Variants in CREB5 observed in about 807,000 individuals in gnomAD.
The protein encoded by CREB5 is cAMP responsive element binding protein 5, also known as cyclic AMP-responsive element-binding protein 5.
A neutral mutation model predicts 57.1 loss-of-function variants in CREB5; 19 were observed. The ratio of observed to expected loss-of-function variants is 0.33; its 90% CI spans 0.23 to 0.49. The LOEUF is 0.49. Ranked by LOEUF, CREB5 falls within the 20% of genes least tolerant of loss-of-function variation. The pLI is 0.99. For missense variants in CREB5, 579 were observed against 671.6 expected (o/e 0.86, Z 1.52); for synonymous variants, 238 against 238.3 (o/e 1.00, Z 0.01).
intron 5 of CREB5, among the ~76,000 whole-genome samples, chr7:28,603,985 A>T (rs1363659089): frequency 6.6e-6 from 1 of 152,152 alleles, no homozygotes; most frequent in East Asian, 1.9e-4. Context: ...ATTTAGCAGG[A>T]TGGGGTGCGT....
chr7:28,434,307 A>T (rs1788851693), intron 1 of CREB5, among the ~76,000 whole-genome samples: 1 of 152,212 alleles, frequency 6.6e-6, no homozygotes, highest in Non-Finnish European at 1.5e-5. Flanking sequence ...AAATGTAATT[A>T]CTAATTATCA....
At chr7:28,800,239 G>C (rs182198598) in intron 7 of CREB5, among the ~76,000 whole-genome samples, 7 of 152,178 alleles carry the variant, frequency 4.6e-5, no homozygotes, top group African/African-American at 1.2e-4. Flanking sequence ...TAAGGAGAAG[G>C]CTGGACTGAA....
intron 5 of CREB5, among the ~76,000 whole-genome samples, chr7:28,682,598 G>GAAAT (rs982785878): frequency 4.0e-5 from 6 of 149,408 alleles, no homozygotes; most frequent in Admixed American, 1.3e-4. Context: ...CGGGACTGTA[G>GAAAT]AAATCTTGGG....
At chr7:28,475,592 A>G (rs537689352) in intron 1 of CREB5, among the ~76,000 whole-genome samples, 63 of 152,184 alleles carry the variant, frequency 4.1e-4, no homozygotes, top group South Asian at 3.9e-3. Flanking sequence ...TAATAGTTCA[A>G]GTGGAGAGTG....
At chr7:28,672,662 T>C (rs1468875283) in intron 5 of CREB5, among the ~76,000 whole-genome samples, 2 of 152,042 alleles carry the variant, frequency 1.3e-5, no homozygotes, top group Non-Finnish European at 2.9e-5. Flanking sequence ...CAACAACGAA[T>C]TCAGGGAAAT....
intron 4 of CREB5, among the ~76,000 whole-genome samples, chr7:28,509,941 C>A (rs1030637772): frequency 6.6e-6 from 1 of 152,180 alleles, no homozygotes. Context: ...GCTTCTTCTT[C>A]CTTTGCCTCA....
intron 5 of CREB5, among the ~76,000 whole-genome samples, chr7:28,712,114 C>T (rs1315179828): frequency 6.6e-6 from 1 of 152,102 alleles, no homozygotes; most frequent in Non-Finnish European, 1.5e-5. Context: ...GTAGTCTGGC[C>T]CATGTCCTTC....
chr7:28,624,079 T>G (rs1797903430), intron 5 of CREB5, among the ~76,000 whole-genome samples: 1 of 152,176 alleles, frequency 6.6e-6, no homozygotes, highest in South Asian at 2.1e-4. Context: ...CTACAGGTAT[T>G]CAACCTAAAC....
chr7:28,760,295 T>C (rs771649698), intron 7 of CREB5, among the ~76,000 whole-genome samples: 49 of 152,184 alleles, frequency 3.2e-4, no homozygotes, highest in Admixed American at 1.4e-3. Flanking sequence ...GGAGACTCAA[T>C]TGGGTATCTA....
intron 7 of CREB5, among the ~76,000 whole-genome samples, chr7:28,731,959 T>C (rs1173804581): frequency 6.6e-6 from 1 of 152,138 alleles, no homozygotes; most frequent in African/African-American, 2.4e-5. Context: ...ACAAAATGCC[T>C]TGGTTTTGCT....
At chr7:28,743,798 G>T (rs1330129006) in intron 7 of CREB5, among the ~76,000 whole-genome samples, 1 of 141,762 alleles carries the variant, frequency 7.1e-6, no homozygotes, top group Non-Finnish European at 1.5e-5. Context: ...TCCTTCCCCG[G>T]TCTTTCTTCT....
chr7:28,752,021 C>A (rs1450798958), intron 7 of CREB5, among the ~76,000 whole-genome samples: 1 of 152,176 alleles, frequency 6.6e-6, no homozygotes, highest in Admixed American at 6.5e-5. Flanking sequence ...TGGAATACTT[C>A]AGAGGTGATG....
chr7:28,737,527 GTATATATATACGTATATATA>G lies in CREB5; in HGVS notation c.702+13206_702+13225del, dbSNP rs1384148932. Among the ~76,000 whole-genome samples, 553 of 84,244 alleles carry G rather than the reference GTATATATATACGTATATATA, an allele frequency of 6.6e-3. 5 individuals carry two copies. Among genetic ancestry groups the G allele is most frequent in the Non-Finnish European group, 8.7e-3 (370 of 42,650 alleles). The allele number at this position is 84,244 out of a possible 152,430, so 55.3% of individuals were successfully genotyped here. On this transcript the variant is annotated intron_variant, in intron 7 of 10. Transcript: ENST00000357727. ...TCTCTGTGTGTGTGTGTGTATATAT[GTATATATATACGTATATATA>G]TATATATATATATATATATATATAT...
At chr7:28,701,231 G>A (rs892277738) in intron 5 of CREB5, among the ~76,000 whole-genome samples, 1 of 152,184 alleles carries the variant, frequency 6.6e-6, no homozygotes, top group Admixed American at 6.5e-5. Flanking sequence ...GGGAAGACAA[G>A]TCTAGTTTCT....
chr7:28,797,463 A>C (rs1399499171), intron 7 of CREB5, among the ~76,000 whole-genome samples: 9 of 152,348 alleles, frequency 5.9e-5, no homozygotes, highest in Non-Finnish European at 8.8e-5. Context: ...TCTAGGTCTT[A>C]TGGAATCCTT....
chr7:28,484,809 T>C (rs528687051), intron 1 of CREB5, among the ~76,000 whole-genome samples: 18 of 152,338 alleles, frequency 1.2e-4, no homozygotes, highest in African/African-American at 4.3e-4. Flanking sequence ...TGATTTCTTA[T>C]ACTGACATAT....
At chr7:28,708,933 A>G (rs1374135457) in intron 5 of CREB5, among the ~76,000 whole-genome samples, 1 of 152,228 alleles carries the variant, frequency 6.6e-6, no homozygotes, top group Non-Finnish European at 1.5e-5. Flanking sequence ...TCACATGTAA[A>G]TGACAAGACT....
chr7:28,761,989 G>C (rs1469548005), intron 7 of CREB5, among the ~76,000 whole-genome samples: 1 of 152,140 alleles, frequency 6.6e-6, no homozygotes, highest in Non-Finnish European at 1.5e-5. Flanking sequence ...TAAATAACTG[G>C]TTGGGGATAA....
chr7:28,607,102 T>C (rs1797161854), intron 5 of CREB5, among the ~76,000 whole-genome samples: 1 of 152,156 alleles, frequency 6.6e-6, no homozygotes, highest in East Asian at 1.9e-4. Flanking sequence ...TCCCTATCCT[T>C]CCCTTCTCCC....
Sources: gnomAD v4.1 joint callset for allele counts (sites outside exome capture counted in the v4.1 genomes callset) on GRCh38, gnomAD v4.1.1 for gene constraint, MANE v1.5 for transcripts, NCBI Gene and HGNC (gene_info 2026-07-23, HGNC 2026-07-21) for gene names.